Variants in VWA3B observed in about 807,000 individuals in gnomAD.
The protein encoded by VWA3B is von Willebrand factor A domain containing 3B.
A neutral mutation model predicts 158.3 loss-of-function variants in VWA3B; 138 were observed. The observed-to-expected ratio is 0.87, with a 90% CI of 0.76 to 1.00. The LOEUF is 1.00. Ranked by LOEUF, VWA3B falls within the 50% of genes least tolerant of loss-of-function variation. The pLI is 0.00. For missense variants in VWA3B, 1,555 were observed against 1,565.1 expected, an observed-to-expected ratio of 0.99 and a Z score of 0.11; for synonymous variants, 596 against 587.3, an observed-to-expected ratio of 1.01 and a Z score of -0.21.
intron 10 of VWA3B, among the ~76,000 whole-genome samples, chr2:98,191,476 G>A (rs914120234): frequency 1.3e-5 from 2 of 152,190 alleles, no homozygotes; most frequent in African/African-American, 4.8e-5. Flanking sequence ...ATACAGTCAA[G>A]TTACTTGAAA....
intron 4 of VWA3B, among the ~76,000 whole-genome samples, chr2:98,120,702 T>G (rs1381683734): frequency 6.6e-6 from 1 of 152,220 alleles, no homozygotes; most frequent in Non-Finnish European, 1.5e-5. Context: ...TGGCTCTTCT[T>G]TTTTTGGAAT....
intron 22 of VWA3B, among the ~76,000 whole-genome samples, chr2:98,272,670 C>G (rs1263241175): frequency 1.3e-5 from 2 of 152,182 alleles, no homozygotes; most frequent in African/African-American, 4.8e-5. Flanking sequence ...AAGAACAGTA[C>G]TTCAGAGACC....
chr2:98,122,663 G>A (rs945453981), intron 5 of VWA3B, among the ~76,000 whole-genome samples: 1 of 152,146 alleles, frequency 6.6e-6, no homozygotes, highest in Non-Finnish European at 1.5e-5. Context: ...TGGGCACACA[G>A]CTGTTCTCTT....
intron 26 of VWA3B, among the ~76,000 whole-genome samples, chr2:98,305,088 G>A (rs969810099): frequency 7.2e-5 from 11 of 152,082 alleles, no homozygotes; most frequent in Non-Finnish European, 1.2e-4. Flanking sequence ...CTCCAGAGTC[G>A]CTTTGGACGC....
intron 14 of VWA3B, among the ~76,000 whole-genome samples, chr2:98,224,270 A>G (rs1184899006): frequency 6.6e-6 from 1 of 151,170 alleles, no homozygotes; most frequent in Non-Finnish European, 1.5e-5. Context: ...ACCAGAAAGA[A>G]AAGAAGAAAG....
chr2:98,115,653 T>G lies in VWA3B; in HGVS notation c.198T>G (p.Asp66Glu), dbSNP rs763094289. ...LSQIGFPHCE[D>E]YVASLGRPVA... ...TTGTTTTTCTTTATAAAAATGCAGA[T>G]TATGTGGCGTCTCTGGGGAGACCTG... is the stretch of plus-strand genomic sequence containing the variant. Residue 66 changes from aspartate (D) to glutamate (E), a missense_variant and splice_region_variant, in exon 3 of 28, where the codon GAT becomes GAG. Transcript: ENST00000477737. The G allele has an allele frequency of 6.8e-6, 11 of 1,613,268 alleles. No homozygotes were observed. The highest frequency in any genetic ancestry group is 1.7e-5 in the Admixed American group (1 of 60,018).
chr2:98,238,526 G>A (rs571224407), intron 19 of VWA3B, among the ~76,000 whole-genome samples: 22 of 152,032 alleles, frequency 1.4e-4, no homozygotes, highest in Non-Finnish European at 3.1e-4. Context: ...GGCTTATTAT[G>A]CCTCCTTCTA....
intron 21 of VWA3B, among the ~76,000 whole-genome samples, chr2:98,263,110 G>A (rs150421133): frequency 6.6e-6 from 1 of 151,786 alleles, no homozygotes; most frequent in East Asian, 1.9e-4. Flanking sequence ...AACTTATTTT[G>A]TGTATTGATT....
chr2:98,212,541 T>G lies in VWA3B; in HGVS notation c.1836+513T>G, dbSNP rs557152837. Among the ~76,000 whole-genome samples, 9 of 152,342 alleles carry G rather than the reference T, an allele frequency of 5.9e-5. No homozygotes were observed. The South Asian group carries it at 1.7e-3, about 28-fold the overall frequency. The stretch of plus-strand genomic sequence containing the variant: ...GTAGAGGAGTCTGTTCATCTTCTTT[T>G]GAGCTTTGTGAATGAAAGAGGAGTA... On this transcript the variant is annotated intron_variant, in intron 13 of 27. Transcript: ENST00000477737.
intron 13 of VWA3B, 91 bp downstream of exon 13, chr2:98,212,119 C>A: frequency 9.0e-7 from 1 of 1,109,700 alleles, no homozygotes; most frequent in Non-Finnish European, 1.3e-6. Flanking sequence ...TCAGCTGCCA[C>A]CAAAAATCTG....
chr2:98,236,307 AC>A, intron 17 of VWA3B, 82 bp from the exon 18 acceptor site: 1 of 1,429,032 alleles, frequency 7.0e-7, no homozygotes, highest in Non-Finnish European at 9.8e-7. Context: ...TCACAGCTGG[AC>A]TGAGACAAGC....
At chr2:98,194,981 T>A (rs1164684907) in intron 12 of VWA3B, among the ~76,000 whole-genome samples, 1 of 152,158 alleles carries the variant, frequency 6.6e-6, no homozygotes, top group African/African-American at 2.4e-5. Context: ...GAAGGTGAAA[T>A]CATTTCCTCA....
chr2:98,254,152 C>T (rs1224065627), intron 20 of VWA3B, among the ~76,000 whole-genome samples: 2 of 152,166 alleles, frequency 1.3e-5, no homozygotes, highest in African/African-American at 2.4e-5. Context: ...TTGAGCTATT[C>T]GTGATCACTT....
chr2:98,282,869 T>C (rs1211354243), intron 22 of VWA3B, among the ~76,000 whole-genome samples: 1 of 152,210 alleles, frequency 6.6e-6, no homozygotes, highest in Admixed American at 6.5e-5. Flanking sequence ...TAGGCGTCAT[T>C]TGCAGTGCTA....
intron 12 of VWA3B, among the ~76,000 whole-genome samples, chr2:98,202,641 C>T (rs1434593759): frequency 2.0e-5 from 3 of 151,986 alleles, no homozygotes; most frequent in Non-Finnish European, 4.4e-5. Context: ...CCACAAATTA[C>T]GTTTTATAAC....
intron 12 of VWA3B, among the ~76,000 whole-genome samples, chr2:98,210,129 A>G (rs946830119): frequency 6.6e-6 from 1 of 152,192 alleles, no homozygotes; most frequent in African/African-American, 2.4e-5. Context: ...TTGTTTTATG[A>G]TTAACATTAC....
At chr2:98,133,411 G>A (rs974887938) in intron 6 of VWA3B, among the ~76,000 whole-genome samples, 5 of 152,158 alleles carry the variant, frequency 3.3e-5, no homozygotes, top group African/African-American at 1.2e-4. Context: ...TGTGTCATGA[G>A]CTGTCCTCAC....
intron 21 of VWA3B, among the ~76,000 whole-genome samples, chr2:98,265,446 A>T (rs377031836): frequency 3.3e-5 from 5 of 151,998 alleles, no homozygotes; most frequent in Admixed American, 6.6e-5. Context: ...TCTATCATTG[A>T]TGGACATTTG....
At chr2:98,323,262 A>G in the VWA3B span, among the ~76,000 whole-genome samples, 1 of 152,220 alleles carries the variant, frequency 6.6e-6, no homozygotes, top group African/African-American at 2.4e-5. Context: ...TGCCAGTGGA[A>G]AATTCGAGAG....
Sources: allele counts gnomAD v4.1 joint callset (sites outside exome capture counted in the v4.1 genomes callset), GRCh38; gene constraint gnomAD v4.1.1; transcripts MANE v1.5; gene names NCBI Gene and HGNC (gene_info 2026-07-23, HGNC 2026-07-21).